Variants in OSBPL3 observed in about 807,000 individuals in gnomAD.
OSBPL3 encodes the protein oxysterol binding protein like 3.
OSBPL3 carries 65 observed loss-of-function variants against 120.1 expected under a neutral mutation model. That is an observed-to-expected ratio of 0.54 (90% CI 0.44 to 0.67). The LOEUF (loss-of-function observed/expected upper bound fraction) is 0.67. Among genes scored for constraint, OSBPL3 ranks in the 30% least tolerant of loss-of-function variants. The probability of loss-of-function intolerance (pLI) is 0.00; values close to 1 mark genes in which losing one functional copy is unlikely to be tolerated. For synonymous variants in OSBPL3, 416 were observed against 402.6 expected (o/e 1.03, Z -0.40); for missense variants, 1,004 against 1,082.1 (o/e 0.93, Z 1.01).
chr7:24,925,327 G>A (rs769328056), intron 1 of OSBPL3, among the ~76,000 whole-genome samples: 1 of 152,180 alleles, frequency 6.6e-6, no homozygotes, highest in Non-Finnish European at 1.5e-5. Context: ...TGTTGTCTGA[G>A]TTTTTGGAAC....
At position 24,849,288 on chromosome 7, in the gene OSBPL3, G is replaced by A. The variant is rs1798847099; in HGVS notation, c.1159-112C>T. ...AGAGCTTGATGAAACTCTTAGTGAC[G>A]TGGTCTGACAGCGCACTTTCTGGAC... On this transcript the variant is annotated intron_variant, in intron 11 of 22. Coordinates refer to ENST00000313367, the MANE Select transcript of OSBPL3 (RefSeq NM_015550.4). The surrounding 1 kb of genome is among the most constrained non-coding windows in gnomAD (Gnocchi z 5.4). 2 of 748,562 alleles carry A rather than the reference G, an allele frequency of 2.7e-6. No individual in the cohort carries two copies. The highest frequency in any genetic ancestry group is 4.5e-6 in the Non-Finnish European group (2 of 448,946). 46.4% of individuals were successfully genotyped at this position (748,562 alleles called of 1,614,324 possible). A position where few individuals can be genotyped will look rare whatever the true frequency, so the allele number is the denominator to read the frequency against.
chr7:24,979,125 T>C (rs1817905455), intron 1 of OSBPL3, among the ~76,000 whole-genome samples: 1 of 151,780 alleles, frequency 6.6e-6, no homozygotes, highest in Non-Finnish European at 1.5e-5. Flanking sequence ...GAGACAGAGG[T>C]AGGAAAACCC....
In OSBPL3 at chr7:24,952,017, T is replaced by C. The variant is rs77450487; in HGVS notation, c.-150+27869A>G. On this transcript the variant is annotated intron_variant, in intron 1 of 22. Transcript: ENST00000313367. This position sits in a 1 kb window ranked among gnomAD's most constrained non-coding sequence, Gnocchi z 4.4. ...TGTTGACAGCAACACTTCTTGGGGA[T>C]ATTATTAACTGGATTATAACATCTA... Among the ~76,000 whole-genome samples the C allele has an allele frequency of 1.8e-4, 27 of 152,324 alleles. No individual in the cohort carries two copies. The East Asian group carries it at 4.4e-3, about 25-fold the overall frequency.
chr7:24,812,518 C>A (rs185730816), intron 19 of OSBPL3, among the ~76,000 whole-genome samples: 16 of 152,124 alleles, frequency 1.1e-4, no homozygotes, highest in African/African-American at 3.6e-4. Context: ...CACACTGCAG[C>A]CAGCAGAGGG....
rs1812723610 is a variant in OSBPL3 at position 24,938,783 on chromosome 7, G to GTGTGTGTGTC, written c.-150+41102_-150+41103insGACACACACA. 2.5e-5 allele frequency among the ~76,000 whole-genome samples: 2 copies of GTGTGTGTGTC among 79,750 alleles called. No individual in the cohort carries two copies. The highest frequency in any genetic ancestry group is 2.6e-4 in the Admixed American group (2 of 7,792). The allele number at this position is 79,750 out of a possible 152,430, so 52.3% of individuals were successfully genotyped here. ...GAATAATGAGGTTTTGTTTTGATGTGTGTGTGTGTGTGTGTGTGTGTGTGT... is the reference window on the plus strand; with the variant it reads ...GAATAATGAGGTTTTGTTTTGATGTGTGTGTGTGTCTGTGTGTGTGTGTGTGTGTGTGTGT... On this transcript the variant is annotated intron_variant, in intron 1 of 22. Transcript: ENST00000313367. This position sits in a 1 kb window ranked among gnomAD's most constrained non-coding sequence, Gnocchi z 5.8.
Position 24,873,547 on chromosome 7 carries a change from A to T in OSBPL3, c.97-1478T>A, listed in dbSNP as rs1802454066. ...GTTGTGAAAAAGACTTCTTCAATGG[A>T]AAAAAGCAAAGCTTCGAAAAAAGAT... is the stretch of plus-strand genomic sequence containing the variant. On this transcript the variant is annotated intron_variant, in intron 2 of 22. Coordinates refer to ENST00000313367, the MANE Select transcript of OSBPL3 (RefSeq NM_015550.4). This position sits in a 1 kb window ranked among gnomAD's most constrained non-coding sequence, Gnocchi z 4.1. Among the ~76,000 whole-genome samples the T allele has an allele frequency of 6.6e-6, 1 of 152,200 alleles. No homozygotes were observed. The highest frequency in any genetic ancestry group is 1.5e-5 in the Non-Finnish European group (1 of 68,032).
In OSBPL3 at chr7:24,896,150, G is replaced by A. The variant is rs555233940; in HGVS notation, c.-149-3529C>T. ...TCTGCCTAATGTCAGTGTTTGATGT[G>A]TGACAGAATTCGGTTTGGGATCTGC... On this transcript the variant is annotated intron_variant, in intron 1 of 22. Transcript: ENST00000313367. This position sits in a 1 kb window ranked among gnomAD's most constrained non-coding sequence, Gnocchi z 4.4. Among the ~76,000 whole-genome samples the A allele has an allele frequency of 7.2e-5, 11 of 152,218 alleles. No individual in the cohort carries two copies. Among genetic ancestry groups the A allele is most frequent in the Non-Finnish European group, 1.5e-4 (10 of 68,040 alleles).
At chr7:24,841,286 C>A (rs960999731) in intron 13 of OSBPL3, among the ~76,000 whole-genome samples, 1 of 142,100 alleles carries the variant, frequency 7.0e-6, no homozygotes. Flanking sequence ...ACCAATATTA[C>A]AATAACCATA....
chr7:24,944,409 G>A (rs765863548), intron 1 of OSBPL3, among the ~76,000 whole-genome samples: 2 of 151,896 alleles, frequency 1.3e-5, no homozygotes, highest in East Asian at 1.9e-4. Flanking sequence ...CAGGCAGATC[G>A]GAAGGTCAGG....
intron 1 of OSBPL3, among the ~76,000 whole-genome samples, chr7:24,897,865 GC>G (rs1806411840): frequency 6.6e-6 from 1 of 152,176 alleles, no homozygotes; most frequent in African/African-American, 2.4e-5. Context: ...AATCCATTAG[GC>G]CTGGGGGTCT....
intron 1 of OSBPL3, 87 bp downstream of exon 1, chr7:24,979,799 C>T: frequency 1.4e-6 from 1 of 693,694 alleles, no homozygotes; most frequent in South Asian, 6.2e-5. Flanking sequence ...ACCGCGGCGC[C>T]CCGCAAACAG....
chr7:24,945,239 C>T (rs761939352), intron 1 of OSBPL3, among the ~76,000 whole-genome samples: 6 of 152,176 alleles, frequency 3.9e-5, no homozygotes, highest in Non-Finnish European at 8.8e-5. Context: ...CTAAACATCT[C>T]CATTTAATTC....
Position 24,892,545 on chromosome 7 carries a change from C to G in OSBPL3, c.-73G>C, listed in dbSNP as rs1234908280. Reference sequence around the variant, plus strand: ...ACAAGGGAGCCGAGAGTATGGAAGTCCCCAGTGGCAGGTGGTTTAGCTCTT... The same window carrying G: ...ACAAGGGAGCCGAGAGTATGGAAGTGCCCAGTGGCAGGTGGTTTAGCTCTT... On this transcript the variant is annotated 5_prime_UTR_variant, in exon 2 of 23. Transcript: ENST00000313367. 12 of 1,557,902 alleles carry G rather than the reference C, an allele frequency of 7.7e-6. No individual in the cohort carries two copies. Among genetic ancestry groups the G allele is most frequent in the African/African-American group, 1.3e-5 (1 of 74,074 alleles).
At chr7:24,870,245 A>T (rs1801912523) in intron 5 of OSBPL3, among the ~76,000 whole-genome samples, 1 of 152,164 alleles carries the variant, frequency 6.6e-6, no homozygotes, top group South Asian at 2.1e-4. Flanking sequence ...AGCAGCTTTG[A>T]AGTACTATTT....
chr7:24,872,446 A>AGTGTGTGT lies in OSBPL3; in HGVS notation c.97-378_97-377insACACACAC, dbSNP rs555797689. On this transcript the variant is annotated intron_variant, in intron 2 of 22. Transcript: ENST00000313367. The surrounding 1 kb of genome is among the most constrained non-coding windows in gnomAD (Gnocchi z 4.1). ...CTTCAGTCTGAATTTTAACCGAAAG[A>AGTGTGTGT]GAGTGTGTGTGTGTGTGTGTGTGTG... 4.0e-3 allele frequency among the ~76,000 whole-genome samples: 334 copies of AGTGTGTGT among 83,430 alleles called. 2 individuals are homozygous for AGTGTGTGT. The highest frequency in any genetic ancestry group is 5.6e-3 in the South Asian group (12 of 2,128). The allele number at this position is 83,430 out of a possible 152,430, so 54.7% of individuals were successfully genotyped here.
intron 16 of OSBPL3, among the ~76,000 whole-genome samples, chr7:24,823,892 A>G (rs1413239275): frequency 2.6e-5 from 4 of 152,256 alleles, no homozygotes; most frequent in African/African-American, 9.6e-5. Flanking sequence ...TAGAGTAGAG[A>G]ATAATGAGCA....
Position 24,804,461 on chromosome 7 carries a change from TG to T in OSBPL3, c.2445-25del, listed in dbSNP as rs1792782981. 2 of 1,600,482 alleles carry T rather than the reference TG, an allele frequency of 1.2e-6. No individual in the cohort carries two copies. Among genetic ancestry groups the T allele is most frequent in the Non-Finnish European group, 1.7e-6 (2 of 1,171,514 alleles). Reference sequence around the variant, plus strand: ...ACCTGAGGCATCGAGGAAAAAAAAATGAAAGGATATGAATTCAAGAAAACAA... The same window carrying T: ...ACCTGAGGCATCGAGGAAAAAAAAATAAAGGATATGAATTCAAGAAAACAA... On this transcript the variant is annotated intron_variant, in intron 21 of 22. Coordinates refer to ENST00000313367, the MANE Select transcript of OSBPL3 (RefSeq NM_015550.4). This position sits in a 1 kb window ranked among gnomAD's most constrained non-coding sequence, Gnocchi z 5.4.
upstream of OSBPL3, among the ~76,000 whole-genome samples, chr7:24,980,349 C>T (rs953409856): frequency 2.0e-5 from 3 of 151,704 alleles, no homozygotes; most frequent in African/African-American, 7.3e-5. Context: ...GCGATGTCCT[C>T]GGAAGAAGCC....
intron 1 of OSBPL3, among the ~76,000 whole-genome samples, chr7:24,908,676 A>G (rs1240310005): frequency 6.6e-6 from 1 of 152,224 alleles, no homozygotes; most frequent in Non-Finnish European, 1.5e-5. Context: ...CTTCATTCTC[A>G]TAAGCTGCAC....
Sources: gnomAD v4.1 joint callset for allele counts (sites outside exome capture counted in the v4.1 genomes callset) on GRCh38, gnomAD v4.1.1 for gene constraint, Gnocchi (gnomAD v3.1) non-coding constraint, MANE v1.5 for transcripts, NCBI Gene and HGNC (gene_info 2026-07-23, HGNC 2026-07-21) for gene names.